Variants in GRM5 observed in about 807,000 individuals in gnomAD.
GRM5 encodes the protein metabotropic glutamate receptor 5.
Under a neutral mutation model 83.1 loss-of-function variants are expected in GRM5, and 19 were observed. The observed-to-expected ratio is 0.23, with a 90% confidence interval of 0.16 to 0.34. The LOEUF is 0.34. GRM5 is among the 10% of genes least tolerant of loss of function. The probability of loss-of-function intolerance (pLI) is 1.00; values close to 1 mark genes in which losing one functional copy is unlikely to be tolerated. For synonymous variants in GRM5, 675 were observed against 633.6 expected, an observed-to-expected ratio of 1.07 and a Z score of -0.98; for missense variants, 1,160 against 1,588.3, an observed-to-expected ratio of 0.73 and a Z score of 4.58.
intron 4 of GRM5, among the ~76,000 whole-genome samples, chr11:88,636,216 A>G (rs1333593026): frequency 6.6e-6 from 1 of 152,210 alleles, no homozygotes; most frequent in Admixed American, 6.5e-5. Context: ...TTTTTAGTAG[A>G]TTGAAAAAGA....
intron 2 of GRM5, among the ~76,000 whole-genome samples, chr11:88,983,302 A>G (rs1939587141): frequency 6.6e-6 from 1 of 152,126 alleles, no homozygotes; most frequent in Non-Finnish European, 1.5e-5. Context: ...TTGTCTCCTT[A>G]GTTGTTTCTC....
At position 88,950,645 on chromosome 11, in the gene GRM5, T is replaced by G. The variant is rs189518933; in HGVS notation, c.661+96567A>C. On this transcript the variant is annotated intron_variant, in intron 2 of 9. Coordinates refer to ENST00000305447, the MANE Select transcript of GRM5 (RefSeq NM_001143831.3). ...AAAAAGAAGTGCAAGACTAAGAAAT[T>G]AGAAAAAATACTTCAAAAAGCTGTC... 8.3e-4 allele frequency among the ~76,000 whole-genome samples: 127 copies of G among 152,248 alleles called. 2 individuals carry two copies. In the Middle Eastern group the frequency reaches 0.031, roughly 37 times the overall value.
intron 4 of GRM5, chr11:88,613,026 G>C (rs1045429327): frequency 6.6e-6 from 1 of 152,106 alleles, no homozygotes; most frequent in Non-Finnish European, 1.5e-5. Context: ...TCTTAGTAAT[G>C]ATTTTTAATT....
At chr11:88,758,973 C>T (rs796463552) in intron 3 of GRM5, among the ~76,000 whole-genome samples, 14 of 152,240 alleles carry the variant, frequency 9.2e-5, no homozygotes, top group African/African-American at 2.9e-4. Flanking sequence ...AATTTCATAT[C>T]TGGCCAAACT....
chr11:88,911,568 T>C (rs1182165034), intron 2 of GRM5, among the ~76,000 whole-genome samples: 2 of 152,162 alleles, frequency 1.3e-5, no homozygotes, highest in African/African-American at 4.8e-5. Context: ...CCAGGTAGCA[T>C]AGTGTATAGA....
chr11:88,646,421 C>T (rs7945089), intron 4 of GRM5, among the ~76,000 whole-genome samples: 3,143 of 151,986 alleles, frequency 0.021, 89 homozygotes, highest in East Asian at 0.12. Flanking sequence ...TTTCTGGACT[C>T]AAATAATACC....
chr11:88,913,490 CTG>C (rs1193728399), intron 2 of GRM5, among the ~76,000 whole-genome samples: 4 of 151,898 alleles, frequency 2.6e-5, no homozygotes, highest in Non-Finnish European at 5.9e-5. Flanking sequence ...GCATCCCTCT[CTG>C]TGGTAAAAAC....
At chr11:88,646,463 TATTTAG>T (rs1939451503) in intron 4 of GRM5, among the ~76,000 whole-genome samples, 1 of 147,802 alleles carries the variant, frequency 6.8e-6, no homozygotes, top group African/African-American at 2.4e-5. Context: ...GCCATAGTAA[TATTTAG>T]ATTTAAGTTT....
At chr11:88,716,101 A>C (rs1484259211) in intron 3 of GRM5, among the ~76,000 whole-genome samples, 2 of 152,130 alleles carry the variant, frequency 1.3e-5, no homozygotes, top group African/African-American at 4.8e-5. Context: ...ATTAAGGCAA[A>C]AAAAGGATGA....
intron 1 of GRM5, among the ~76,000 whole-genome samples, chr11:89,060,574 C>T (rs1325743621): frequency 4.6e-5 from 7 of 152,182 alleles, no homozygotes; most frequent in South Asian, 2.1e-4. Flanking sequence ...TGATGCCTGA[C>T]GTGCTTAATA....
rs535987531 is a variant in GRM5, at chr11:88,965,794, T to C, written c.661+81418A>G. Among the ~76,000 whole-genome samples the C allele has an allele frequency of 3.3e-5, 5 of 152,252 alleles. No homozygotes were observed. The East Asian group carries it at 7.7e-4, about 24-fold the overall frequency. On this transcript the variant is annotated intron_variant, in intron 2 of 9. Transcript: ENST00000305447. ...AAAGGAGACATATACAAACACACAA[T>C]TGTAGTGGATTTGGAGGCATCAACA...
At chr11:88,882,278 G>A (rs1176995814) in intron 2 of GRM5, among the ~76,000 whole-genome samples, 2 of 59,990 alleles carry the variant, frequency 3.3e-5, no homozygotes, top group East Asian at 1.9e-3. Flanking sequence ...ATAATAAAAA[G>A]AAAAATATCA....
intron 3 of GRM5, among the ~76,000 whole-genome samples, chr11:88,837,946 G>A (rs1438862267): frequency 5.3e-5 from 8 of 151,846 alleles, no homozygotes; most frequent in Admixed American, 2.0e-4. Flanking sequence ...TTAGCCAGGC[G>A]TGGTGGCGGG....
intron 3 of GRM5, among the ~76,000 whole-genome samples, chr11:88,695,482 G>A (rs1027211285): frequency 6.6e-6 from 1 of 152,140 alleles, no homozygotes; most frequent in African/African-American, 2.4e-5. Context: ...CCTCAGGTCA[G>A]TATTTTTAGG....
intron 5 of GRM5, 71 bp downstream of exon 5, chr11:88,604,647 G>T: frequency 7.9e-7 from 1 of 1,268,372 alleles, no homozygotes; most frequent in Non-Finnish European, 1.1e-6. Context: ...AGGAGAGAAA[G>T]AGACATTTCA....
At chr11:88,999,397 A>G (rs955120039) in intron 2 of GRM5, among the ~76,000 whole-genome samples, 1 of 152,162 alleles carries the variant, frequency 6.6e-6, no homozygotes, top group Non-Finnish European at 1.5e-5. Flanking sequence ...ATTTACAAGA[A>G]AGAAACAACT....
chr11:88,646,935 A>G (rs1364185963), intron 4 of GRM5, among the ~76,000 whole-genome samples: 1 of 151,738 alleles, frequency 6.6e-6, no homozygotes, highest in Non-Finnish European at 1.5e-5. Context: ...TTAACACAGT[A>G]GAAATTTATT....
chr11:88,651,856 A>G (rs1303244019), intron 4 of GRM5, among the ~76,000 whole-genome samples: 1 of 152,086 alleles, frequency 6.6e-6, no homozygotes, highest in Non-Finnish European at 1.5e-5. Flanking sequence ...ATTACATTTA[A>G]AAACAATCAC....
intron 2 of GRM5, among the ~76,000 whole-genome samples, chr11:88,872,175 A>C (rs1443730586): frequency 1.3e-5 from 2 of 151,526 alleles, no homozygotes; most frequent in Non-Finnish European, 3.0e-5. Context: ...TGAAAGCTAC[A>C]TGTTTCAGAA....
Sources: gnomAD v4.1 joint callset for allele counts (sites outside exome capture counted in the v4.1 genomes callset) on GRCh38, gnomAD v4.1.1 for gene constraint, MANE v1.5 for transcripts, NCBI Gene and HGNC (gene_info 2026-07-23, HGNC 2026-07-21) for gene names.